The following GPR89A variants were observed in gnomAD, a reference collection of about 807,000 sequenced individuals.
The protein encoded by GPR89A is G protein-coupled receptor 89A.
In GPR89A, 16 loss-of-function variants were observed where a neutral mutation model predicts 52.0. That is an observed-to-expected ratio of 0.31 (90% CI 0.21 to 0.47). GPR89A has a LOEUF of 0.47. Ranked by LOEUF, GPR89A falls within the 20% of genes least tolerant of loss-of-function variation. The pLI is 1.00. For synonymous variants in GPR89A, 55 were observed against 150.9 expected, an observed-to-expected ratio of 0.36 and a Z score of 4.66; for missense variants, 135 against 449.4, an observed-to-expected ratio of 0.30 and a Z score of 6.33.
At chr1:145,656,439 G>T (rs1651814426) in intron 10 of GPR89A, among the ~76,000 whole-genome samples, 1 of 152,140 alleles carries the variant, frequency 6.6e-6, no homozygotes, top group South Asian at 2.1e-4. Flanking sequence ...CCCAGGTGGG[G>T]CTGTTGCACT....
intron 5 of GPR89A, among the ~76,000 whole-genome samples, chr1:145,626,902 G>A (rs1361441077): frequency 2.3e-5 from 3 of 133,008 alleles, no homozygotes; most frequent in Middle Eastern, 8.9e-3. Flanking sequence ...GCAGTGAGCC[G>A]AGATCGTGCC....
chr1:145,657,070 T>G (rs1553694657), intron 10 of GPR89A, among the ~76,000 whole-genome samples: 1 of 151,772 alleles, frequency 6.6e-6, no homozygotes, highest in African/African-American at 2.4e-5. Flanking sequence ...TTCTATTTTG[T>G]TAGATTCAAT....
In GPR89A at chr1:145,622,945, T is replaced by C. The variant is rs1649237250; in HGVS notation, c.207-109T>C. 1.5e-5 allele frequency: 23 copies of C among 1,552,442 alleles called. No individual in the cohort carries two copies. In the South Asian group the frequency reaches 2.7e-4, roughly 18 times the overall value. Reference sequence around the variant, plus strand: ...AGCCTAGTAGGCTGATTAGATAGGATATATTCAATATTGAGTCCAAAGAGC... The same window carrying C: ...AGCCTAGTAGGCTGATTAGATAGGACATATTCAATATTGAGTCCAAAGAGC... On this transcript the variant is annotated intron_variant, in intron 3 of 13. Transcript: ENST00000313835.
At chr1:145,656,822 T>C (rs1171577912) in intron 10 of GPR89A, among the ~76,000 whole-genome samples, 1 of 151,180 alleles carries the variant, frequency 6.6e-6, no homozygotes, top group Admixed American at 6.6e-5. Flanking sequence ...TGATGTTAGG[T>C]TTTCCCTAGA....
chr1:145,648,201 A>G (rs1405730015), intron 10 of GPR89A, among the ~76,000 whole-genome samples: 1 of 151,356 alleles, frequency 6.6e-6, no homozygotes, highest in Non-Finnish European at 1.5e-5. Context: ...ATGTGATTAC[A>G]GAAAAGGCTG....
chr1:145,647,869 CTCTCTCTCTCTATATATA>C (rs1651147028), intron 10 of GPR89A, among the ~76,000 whole-genome samples: 1 of 88,440 alleles, frequency 1.1e-5, no homozygotes, highest in African/African-American at 4.6e-5. Flanking sequence ...CTCTCTCTCT[CTCTCTCTCTCTATATATA>C]TATATATATA....
intron 11 of GPR89A, among the ~76,000 whole-genome samples, chr1:145,664,418 T>C (rs1242751781): frequency 2.6e-5 from 4 of 152,130 alleles, no homozygotes; most frequent in East Asian, 3.9e-4. Context: ...CTTTGAGAGG[T>C]CGAGACAGAT....
intron 12 of GPR89A, among the ~76,000 whole-genome samples, chr1:145,666,988 A>G (rs1410639391): frequency 3.3e-5 from 5 of 152,058 alleles, no homozygotes; most frequent in Middle Eastern, 3.2e-3. Flanking sequence ...AGTCTTTGCT[A>G]TTGTGAATAG....
Position 145,608,011 on chromosome 1 carries a change from A to T in GPR89A, c.-123A>T. The T allele has an allele frequency of 8.9e-7, 1 of 1,120,984 alleles. No homozygotes were observed. The allele number at this position is 1,120,984 out of a possible 1,614,324, so 69.4% of individuals were successfully genotyped here. On this transcript the variant is annotated 5_prime_UTR_variant, in exon 1 of 14. An upstream open reading frame in the 5' UTR gains an earlier in-frame stop. Coordinates refer to ENST00000313835, the MANE Select transcript of GPR89A (RefSeq NM_001097612.2). ...GCGCAGCTTGATGGCGTCGGGCTGGAGAGCCGCAGTCCCGGCTGCAGCACC... is the reference window on the plus strand; with the variant it reads ...GCGCAGCTTGATGGCGTCGGGCTGGTGAGCCGCAGTCCCGGCTGCAGCACC...
intron 12 of GPR89A, among the ~76,000 whole-genome samples, chr1:145,668,344 G>A (rs1334677249): frequency 2.6e-5 from 4 of 152,118 alleles, no homozygotes; most frequent in Non-Finnish European, 5.9e-5. Context: ...TTGTGAATGG[G>A]CGTTCACTCA....
intron 2 of GPR89A, among the ~76,000 whole-genome samples, chr1:145,617,410 A>G (rs1272112900): frequency 2.0e-5 from 3 of 151,890 alleles, no homozygotes; most frequent in Non-Finnish European, 2.9e-5. Flanking sequence ...TTTTTCAAAC[A>G]ATTTGTACAG....
At chr1:145,636,775 G>T (rs1231619772) in intron 7 of GPR89A, among the ~76,000 whole-genome samples, 8 of 152,150 alleles carry the variant, frequency 5.3e-5, no homozygotes, top group Non-Finnish European at 1.0e-4. Context: ...TGGAAAATGA[G>T]CAGAGGCAGG....
At chr1:145,660,166 A>C (rs1483640840) in intron 10 of GPR89A, among the ~76,000 whole-genome samples, 9 of 152,274 alleles carry the variant, frequency 5.9e-5, no homozygotes, top group Non-Finnish European at 7.4e-5. Flanking sequence ...CAACTATCTG[A>C]TCTTTGACAA....
At chr1:145,621,101 T>C (rs1232759596) in intron 3 of GPR89A, among the ~76,000 whole-genome samples, 2 of 151,956 alleles carry the variant, frequency 1.3e-5, no homozygotes, top group Non-Finnish European at 2.9e-5. Flanking sequence ...GGGTAGCTTT[T>C]ACTGAATGGC....
At chr1:145,609,561 G>A (rs1571453810) in intron 1 of GPR89A, among the ~76,000 whole-genome samples, 1 of 152,160 alleles carries the variant, frequency 6.6e-6, no homozygotes, top group East Asian at 1.9e-4. Flanking sequence ...GTTATTTTTA[G>A]CCTTAGTACC....
intron 10 of GPR89A, among the ~76,000 whole-genome samples, chr1:145,650,217 T>C (rs1476692265): frequency 2.0e-5 from 3 of 151,012 alleles, no homozygotes; most frequent in Middle Eastern, 3.4e-3. Flanking sequence ...TTCCCACTTA[T>C]AAGTGAGAAC....
Position 145,652,992 on chromosome 1 carries a change from C to T in GPR89A, c.909+5725C>T, listed in dbSNP as rs1651563152. ...CTATCTCCTGCAGTTCTGCTGTGACCTTGGTTATTTCTTATATTCTGCTAG... is the reference window on the plus strand; with the variant it reads ...CTATCTCCTGCAGTTCTGCTGTGACTTTGGTTATTTCTTATATTCTGCTAG... On this transcript the variant is annotated intron_variant, in intron 10 of 13. Transcript: ENST00000313835. Among the ~76,000 whole-genome samples, 3 of 118,360 alleles carry T rather than the reference C, an allele frequency of 2.5e-5. No individual in the cohort carries two copies. In the South Asian group the frequency reaches 7.9e-4, roughly 31 times the overall value. The allele number at this position is 118,360 out of a possible 152,430, so 77.6% of individuals were successfully genotyped here.
chr1:145,611,504 T>C (rs1449118226), intron 1 of GPR89A: 1 of 152,206 alleles, frequency 6.6e-6, no homozygotes, highest in African/African-American at 2.4e-5. Flanking sequence ...GCATCTATGT[T>C]GCTGCAAAGG....
intron 12 of GPR89A, among the ~76,000 whole-genome samples, chr1:145,666,541 T>G (rs1652559794): frequency 6.6e-6 from 1 of 151,966 alleles, no homozygotes; most frequent in Admixed American, 6.6e-5. Flanking sequence ...AAGGACCTAC[T>G]GAATTCAACT....
Sources: gnomAD v4.1 joint callset for allele counts (sites outside exome capture counted in the v4.1 genomes callset) on GRCh38, gnomAD v4.1.1 for gene constraint, MANE v1.5 for transcripts, NCBI Gene and HGNC (gene_info 2026-07-23, HGNC 2026-07-21) for gene names.